ATXN1: variants seen among roughly 807,000 people sequenced by gnomAD.
ATXN1 encodes ataxin 1.
ATXN1 carries 8 observed loss-of-function variants against 56.4 expected under a neutral mutation model. The observed-to-expected ratio is 0.14, with a 90% CI of 0.08 to 0.26. The LOEUF is 0.26. ATXN1 is among the 10% of genes least tolerant of loss of function. The pLI is 1.00. For synonymous variants in ATXN1, 514 were observed against 494.6 expected, an observed-to-expected ratio of 1.04 and a Z score of -0.52; for missense variants, 987 against 1,106.5, an observed-to-expected ratio of 0.89 and a Z score of 1.53.
intron 2 of ATXN1, among the ~76,000 whole-genome samples, chr6:16,741,646 C>A (rs778048673): frequency 1.6e-4 from 24 of 152,310 alleles, no homozygotes; most frequent in Middle Eastern, 3.4e-3. Context: ...AACCCTCCCT[C>A]CAGGACTTAA....
At chr6:16,662,489 C>A (rs556831347) in intron 2 of ATXN1, among the ~76,000 whole-genome samples, 2 of 152,046 alleles carry the variant, frequency 1.3e-5, no homozygotes, top group African/African-American at 2.4e-5. Context: ...CACGCCACCA[C>A]GCCCAGCTAA....
At chr6:16,557,996 T>C (rs1227652724) in intron 4 of ATXN1, among the ~76,000 whole-genome samples, 1 of 152,166 alleles carries the variant, frequency 6.6e-6, no homozygotes, top group Admixed American at 6.5e-5. Flanking sequence ...ATAGATTAAG[T>C]GGATACCAGG....
At chr6:16,546,816 T>G (rs1366004345) in intron 4 of ATXN1, among the ~76,000 whole-genome samples, 1 of 152,238 alleles carries the variant, frequency 6.6e-6, no homozygotes, top group Non-Finnish European at 1.5e-5. Context: ...TGGGGAGGCA[T>G]ACATAGTTAT....
chr6:16,708,532 C>T (rs1561817265), intron 2 of ATXN1, among the ~76,000 whole-genome samples: 1 of 152,270 alleles, frequency 6.6e-6, no homozygotes, highest in East Asian at 1.9e-4. Flanking sequence ...CATTGCAAGA[C>T]CTCGGCTGAA....
At chr6:16,656,478 A>G (rs938767378) in intron 3 of ATXN1, among the ~76,000 whole-genome samples, 3 of 151,128 alleles carry the variant, frequency 2.0e-5, no homozygotes, top group East Asian at 1.9e-4. Flanking sequence ...CTTCCAGGTA[A>G]TATCATGAAC....
At chr6:16,613,734 C>T (rs79210016) in intron 3 of ATXN1, among the ~76,000 whole-genome samples, 10 of 151,986 alleles carry the variant, frequency 6.6e-5, no homozygotes, top group African/African-American at 9.7e-5. Context: ...GAGGCTGAGG[C>T]GGGAGGATTG....
chr6:16,393,659 C>T (rs772224821), intron 6 of ATXN1, among the ~76,000 whole-genome samples: 4 of 152,180 alleles, frequency 2.6e-5, no homozygotes, highest in Admixed American at 6.5e-5. Context: ...ATGGCACTGA[C>T]GTTTTAAGTC....
intron 6 of ATXN1, among the ~76,000 whole-genome samples, chr6:16,407,818 G>A (rs940655805): frequency 2.6e-5 from 4 of 152,184 alleles, no homozygotes; most frequent in Non-Finnish European, 4.4e-5. Context: ...TGAAGTGGAT[G>A]GATGTTCTGT....
chr6:16,537,655 G>A (rs1333475851), intron 4 of ATXN1, among the ~76,000 whole-genome samples: 2 of 150,794 alleles, frequency 1.3e-5, no homozygotes, highest in South Asian at 2.1e-4. Context: ...GCAGTGAGCC[G>A]AGACTGCACC....
At chr6:16,447,066 C>T (rs921395408) in intron 6 of ATXN1, among the ~76,000 whole-genome samples, 2 of 152,148 alleles carry the variant, frequency 1.3e-5, no homozygotes, top group Non-Finnish European at 2.9e-5. Context: ...ACACACAGAA[C>T]ATAATTCTTT....
At chr6:16,363,765 C>T (rs1761861208) in intron 6 of ATXN1, among the ~76,000 whole-genome samples, 1 of 152,146 alleles carries the variant, frequency 6.6e-6, no homozygotes, top group South Asian at 2.1e-4. Context: ...CTTGGAGTGG[C>T]AGGTGGGGTC....
At chr6:16,704,825 A>G (rs1759372124) in intron 2 of ATXN1, among the ~76,000 whole-genome samples, 1 of 152,230 alleles carries the variant, frequency 6.6e-6, no homozygotes, top group Non-Finnish European at 1.5e-5. Flanking sequence ...AGTTACACAC[A>G]CAGGCTTAGT....
chr6:16,513,646 A>G (rs2113686488), intron 5 of ATXN1, among the ~76,000 whole-genome samples: 1 of 152,308 alleles, frequency 6.6e-6, no homozygotes, highest in Middle Eastern at 3.4e-3. Flanking sequence ...CAAGAGCGTC[A>G]CGTGTCTTCC....
intron 6 of ATXN1, among the ~76,000 whole-genome samples, chr6:16,466,757 G>C (rs1156420910): frequency 6.6e-6 from 1 of 152,108 alleles, no homozygotes; most frequent in Non-Finnish European, 1.5e-5. Flanking sequence ...GCTAACGGTG[G>C]TGAACATCTA....
chr6:16,390,372 C>G (rs575074494), intron 6 of ATXN1, among the ~76,000 whole-genome samples: 52 of 152,276 alleles, frequency 3.4e-4, no homozygotes, highest in African/African-American at 1.0e-3. Flanking sequence ...GAGAGCTTTG[C>G]TGGGAGTATG....
intron 5 of ATXN1, among the ~76,000 whole-genome samples, chr6:16,521,201 T>C (rs963713851): frequency 6.6e-6 from 1 of 152,172 alleles, no homozygotes; most frequent in African/African-American, 2.4e-5. Flanking sequence ...GAGAATCATA[T>C]TCTTAACTTC....
At chr6:16,707,161 C>G (rs1035310167) in intron 2 of ATXN1, among the ~76,000 whole-genome samples, 3 of 152,048 alleles carry the variant, frequency 2.0e-5, no homozygotes, top group African/African-American at 4.8e-5. Context: ...AATGTGGAAG[C>G]TAGCATCTAT....
chr6:16,685,020 A>AACACAC (rs3072311), intron 2 of ATXN1, among the ~76,000 whole-genome samples: 3 of 150,934 alleles, frequency 2.0e-5, no homozygotes, highest in Admixed American at 1.3e-4. Flanking sequence ...TTCTACAGAC[A>AACACAC]ACACACACAC....
intron 6 of ATXN1, among the ~76,000 whole-genome samples, chr6:16,433,814 C>T (rs189865436): frequency 2.6e-5 from 4 of 152,326 alleles, no homozygotes; most frequent in East Asian, 3.9e-4. Flanking sequence ...TCAGCAGCTC[C>T]GCCCAGGAGT....
Sources: gnomAD v4.1 joint callset for allele counts (sites outside exome capture counted in the v4.1 genomes callset) on GRCh38, gnomAD v4.1.1 for gene constraint, MANE v1.5 for transcripts, NCBI Gene and HGNC (gene_info 2026-07-23, HGNC 2026-07-21) for gene names.